Variants in MPG observed in about 807,000 individuals in gnomAD.
MPG encodes the protein N-methylpurine DNA glycosylase, also known as DNA-3-methyladenine glycosylase.
In MPG, 33 loss-of-function variants were observed where a neutral mutation model predicts 31.7. That is an observed-to-expected ratio of 1.04 (90% CI 0.79 to 1.39). The LOEUF (loss-of-function observed/expected upper bound fraction) is 1.39, where lower values mean the gene tolerates loss of function less well. Ranked by LOEUF, MPG falls within the 40% of genes most tolerant of loss-of-function variation. The probability of loss-of-function intolerance (pLI) is 0.00; values close to 1 mark genes in which losing one functional copy is unlikely to be tolerated. For missense variants in MPG, 455 were observed against 415.5 expected (o/e 1.10, Z -0.83); for synonymous variants, 202 against 169.2 (o/e 1.19, Z -1.51).
At chr16:84,811 T>C (rs1898374756) in intron 3 of MPG, among the ~76,000 whole-genome samples, 1 of 152,180 alleles carries the variant, frequency 6.6e-6, no homozygotes, top group Non-Finnish European at 1.5e-5. Context: ...AGTCATTGCA[T>C]GGGCTCTCCC....
At chr16:80,440 T>C (rs1415556721) in intron 2 of MPG, among the ~76,000 whole-genome samples, 1 of 152,198 alleles carries the variant, frequency 6.6e-6, no homozygotes, top group East Asian at 1.9e-4. Context: ...GAGCAGACCC[T>C]AGAATGTGGG....
Position 78,339 on chromosome 16 carries a change from C to T in MPG, c.24+6C>T. On this transcript the variant is annotated splice_donor_region_variant and intron_variant, in intron 1 of 3. Coordinates refer to ENST00000356432, the MANE Select transcript of MPG (RefSeq NM_001015052.3). ...CCGCGCGCAGCGGGGCCCAGGTGAG[C>T]GCGCGCCTCGGCCGCCCCGCGGAAC... The T allele has an allele frequency of 8.0e-7, 1 of 1,255,650 alleles. No homozygotes were observed. Among genetic ancestry groups the T allele is most frequent in the Non-Finnish European group, 1.0e-6 (1 of 1,000,968 alleles). The allele number at this position is 1,255,650 out of a possible 1,614,324, so 77.8% of individuals were successfully genotyped here. A position where few individuals can be genotyped will look rare whatever the true frequency, so the allele number is the denominator to read the frequency against.
At position 85,772 on chromosome 16, in the gene MPG, G is replaced by T. The variant is rs2234949; in HGVS notation, c.877G>T (p.Ala293Ser). The part of the protein sequence containing the change: ...VDRVAEQDTQ[A>S] ...CAGAGTGGCTGAGCAGGACACACAG[G>T]CCTGAGCAAAGGGCCTGCCCAGACA... The change falls in exon 4 of 4, where the codon GCC becomes TCC. Residue 293 changes from alanine (A) to serine (S), a missense_variant. Physicochemically the swap from Ala to Ser is moderately conservative, Grantham distance 99. Coordinates refer to ENST00000356432, the MANE Select transcript of MPG (RefSeq NM_001015052.3). 1.1e-5 allele frequency: 17 copies of T among 1,497,856 alleles called. No individual in the cohort carries two copies. The Admixed American group carries it at 3.3e-4, about 29-fold the overall frequency. The allele number at this position is 1,497,856 out of a possible 1,614,324, so 92.8% of individuals were successfully genotyped here.
intron 3 of MPG, 139 bp from the exon 4 acceptor site, chr16:85,262 G>GC: frequency 1.0e-6 from 1 of 996,122 alleles, no homozygotes; most frequent in Non-Finnish European, 1.5e-6. Context: ...AGGAGATGGT[G>GC]CAGGTGCACA....
At chr16:83,356 A>T (rs1210249009) in intron 3 of MPG, 100 bp downstream of exon 3, 1 of 1,227,764 alleles carries the variant, frequency 8.1e-7, no homozygotes, top group Admixed American at 1.9e-5. Flanking sequence ...CCAGCATTTG[A>T]GCGAGGAGGT....
upstream of MPG, among the ~76,000 whole-genome samples, chr16:77,863 G>A (rs3176369): frequency 0.012 from 1,774 of 151,794 alleles, 43 homozygotes; most frequent in African/African-American, 0.038. Context: ...CTCCGCCCGG[G>A]CCCCTCGAGG....
intron 2 of MPG, among the ~76,000 whole-genome samples, chr16:82,849 A>C (rs904697047): frequency 2.1e-4 from 32 of 152,212 alleles, no homozygotes; most frequent in Middle Eastern, 3.4e-3. Context: ...GCAGGGCTGG[A>C]GGAGACAACT....
intron 2 of MPG, among the ~76,000 whole-genome samples, chr16:80,779 G>A (rs535336806): frequency 3.3e-5 from 5 of 152,178 alleles, no homozygotes; most frequent in South Asian, 2.1e-4. Context: ...ATTGCACTCC[G>A]GCCTGGGCGA....
At chr16:77,939 C>T (rs1475934143), upstream of MPG, 1 of 173,000 alleles carries the variant, frequency 5.8e-6, no homozygotes, top group Admixed American at 6.3e-5. Flanking sequence ...GGAGTGGGCT[C>T]TGGGGCCGCC....
In MPG at chr16:85,476, C is replaced by A. The variant is rs1898410832; in HGVS notation, c.581C>A (p.Thr194Asn). Residue 194 changes from threonine (T) to asparagine (N), a missense_variant, in exon 4 of 4, where the codon ACC (threonine) becomes AAC (asparagine). Thr to Asn is a moderately conservative substitution (Grantham distance 65, BLOSUM62 0). Transcript: ENST00000356432. ...GLETMRQLRS[T>N]LRKGTASRVL... ...GAGACCATGCGTCAGCTTCGCAGCA[C>A]CCTCCGGAAAGGCACCGCCAGCCGT... is the stretch of plus-strand genomic sequence containing the variant. The A allele has an allele frequency of 6.2e-7, 1 of 1,613,052 alleles. No individual in the cohort carries two copies. Among genetic ancestry groups the A allele is most frequent in the Admixed American group, 1.7e-5 (1 of 60,004 alleles).
chr16:85,533 C>T lies in MPG; in HGVS notation c.638C>T (p.Pro213Leu). The T allele has an allele frequency of 1.2e-6, 2 of 1,613,412 alleles. No homozygotes were observed. Among genetic ancestry groups the T allele is most frequent in the Non-Finnish European group, 1.7e-6 (2 of 1,180,038 alleles). Residue 213 changes from proline to leucine, a missense_variant, in exon 4 of 4, where the codon CCC (proline) becomes CTC (leucine). Pro to Leu is a moderately conservative substitution (Grantham distance 98). Transcript: ENST00000356432. ...AAGGACCGCGAGCTCTGCAGTGGCC[C>T]CTCCAAGCTGTGCCAGGCCCTGGCC... ...VLKDRELCSG[P>L]SKLCQALAIN...
At chr16:80,143 A>G (rs563943354) in intron 2 of MPG, among the ~76,000 whole-genome samples, 10 of 152,254 alleles carry the variant, frequency 6.6e-5, no homozygotes, top group Non-Finnish European at 1.2e-4. Context: ...GGCTCTGCCA[A>G]TCAGACTTGG....
intron 2 of MPG, among the ~76,000 whole-genome samples, chr16:81,279 G>A (rs1363050200): frequency 6.6e-6 from 1 of 152,202 alleles, no homozygotes; most frequent in Non-Finnish European, 1.5e-5. Context: ...GCCACTGGTG[G>A]AAATGGTATC....
Position 79,918 on chromosome 16 carries a change from T to G in MPG, c.300+218T>G, listed in dbSNP as rs3176392. On this transcript the variant is annotated intron_variant, in intron 2 of 3. Transcript: ENST00000356432. ...GATTGTCAGTGCTGCTTGCCCAGGGTGGAGCAGGGGTGCCACTGTCTGCCC... is the reference window on the plus strand; with the variant it reads ...GATTGTCAGTGCTGCTTGCCCAGGGGGGAGCAGGGGTGCCACTGTCTGCCC... 3,254 of 628,132 alleles carry G rather than the reference T, an allele frequency of 5.2e-3. 90 individuals are homozygous for G. In the African/African-American group the frequency reaches 0.053, roughly 10 times the overall value. 38.9% of individuals were successfully genotyped at this position (628,132 alleles called of 1,614,324 possible). A position where few individuals can be genotyped will look rare whatever the true frequency, so the allele number is the denominator to read the frequency against.
chr16:79,926 G>A (rs1281680197), intron 2 of MPG: 2 of 607,768 alleles, frequency 3.3e-6, no homozygotes, highest in East Asian at 5.6e-5. Context: ...GGTGGAGCAG[G>A]GGTGCCACTG....
intron 2 of MPG, 40 bp downstream of exon 2, chr16:79,740 T>G (rs1207021394): frequency 1.2e-5 from 19 of 1,523,372 alleles, no homozygotes; most frequent in Non-Finnish European, 1.5e-5. Context: ...CTGAAGTGCC[T>G]GTCACTGCAG....
Position 83,050 on chromosome 16 carries a change from AG to A in MPG, c.301del. 1 of 1,589,560 alleles carries A rather than the reference AG, an allele frequency of 6.3e-7. No individual in the cohort carries two copies. The highest frequency in any genetic ancestry group is 1.1e-5 in the South Asian group (1 of 88,240). On this transcript the variant is annotated splice_acceptor_variant, in intron 2 of 3. Transcript: ENST00000356432. LOFTEE classifies it high-confidence loss of function. Reference sequence around the variant, plus strand: ...CCCTGAGCAGAAACTGACTGCCCACAGGTCCTAGTCCGGCGACTTCCTAATG... The same window carrying A: ...CCCTGAGCAGAAACTGACTGCCCACAGTCCTAGTCCGGCGACTTCCTAATG...
intron 2 of MPG, among the ~76,000 whole-genome samples, chr16:82,218 C>T (rs1480031082): frequency 6.9e-6 from 1 of 144,082 alleles, no homozygotes; most frequent in Admixed American, 6.8e-5. Flanking sequence ...TTCTTCCCAC[C>T]ACCCTATCTC....
intron 3 of MPG, among the ~76,000 whole-genome samples, chr16:84,894 AGTGG>A (rs1374124139): frequency 1.3e-5 from 2 of 152,140 alleles, no homozygotes; most frequent in Non-Finnish European, 2.9e-5. Context: ...ACAAACACTG[AGTGG>A]GTGAGGCAGA....
Sources: gnomAD v4.1 joint callset for allele counts (sites outside exome capture counted in the v4.1 genomes callset) on GRCh38, gnomAD v4.1.1 for gene constraint, MANE v1.5 for transcripts, NCBI Gene and HGNC (gene_info 2026-07-23, HGNC 2026-07-21) for gene names.